The following OPHN1 variants were observed in gnomAD, a reference collection of about 807,000 sequenced individuals.
The protein encoded by OPHN1 is oligophrenin-1.
In OPHN1, 11 loss-of-function variants were observed where a neutral mutation model predicts 60.7. The observed-to-expected ratio is 0.18, with a 90% CI of 0.11 to 0.30. The LOEUF is 0.30. Ranked by LOEUF, OPHN1 falls within the 10% of genes least tolerant of loss-of-function variation. OPHN1 has a pLI of 1.00. For synonymous variants in OPHN1, 226 were observed against 222.6 expected (o/e 1.02, Z -0.14); for missense variants, 449 against 611.0 (o/e 0.73, Z 2.80).
chrX:68,365,818 C>T (rs1325307491), intron 2 of OPHN1, among the ~76,000 whole-genome samples: 2 of 97,148 alleles, frequency 2.1e-5, no homozygotes, highest in African/African-American at 7.6e-5. Context: ...CAATTATTCC[C>T]TTTTTTTTTT....
intron 2 of OPHN1, among the ~76,000 whole-genome samples, chrX:68,334,341 T>C (rs182232504): frequency 1.9e-3 from 210 of 111,968 alleles, no homozygotes; most frequent in African/African-American, 6.5e-3. Flanking sequence ...AAGTAACTAG[T>C]TTAGTGTAAG....
rs1414814743 is a variant in OPHN1, at chrX:68,397,653, G to A, written c.154+35214C>T. 2.8e-5 allele frequency among the ~76,000 whole-genome samples: 3 copies of A among 106,627 alleles called. No homozygotes were observed. In the Admixed American group the frequency reaches 3.1e-4, roughly 11 times the overall value. 92.6% of individuals were successfully genotyped at this position (106,627 alleles called of 115,157 possible). A position where few individuals can be genotyped will look rare whatever the true frequency, so the allele number is the denominator to read the frequency against. ...TTCTCCTGCCTCAGCCTCCGAAGTA[G>A]CTGGGATTACAGGCACCCACCACCA... is the stretch of plus-strand genomic sequence containing the variant. On this transcript the variant is annotated intron_variant, in intron 2 of 24. Transcript: ENST00000355520.
chrX:68,214,310 T>C (rs1186754538), intron 6 of OPHN1, among the ~76,000 whole-genome samples: 1 of 111,834 alleles, frequency 8.9e-6, no homozygotes. Context: ...TACAGAGACA[T>C]GAATACAGAG....
At position 68,194,805 on chromosome X, in the gene OPHN1, C is replaced by T. The variant is rs147220277; in HGVS notation, c.1105-307G>A. ...CAAACATCATGAAACCCCATCTCTA[C>T]AAAAATCCAAAAATTAGCCAGGCAT... On this transcript the variant is annotated intron_variant, in intron 12 of 24. Coordinates refer to ENST00000355520, the MANE Select transcript of OPHN1 (RefSeq NM_002547.3). 0.021 allele frequency among the ~76,000 whole-genome samples: 2,231 copies of T among 108,529 alleles called. 69 individuals are homozygous for T. Among genetic ancestry groups the T allele is most frequent in the African/African-American group, 0.071 (2,116 of 29,741 alleles). 94.2% of individuals were successfully genotyped at this position (108,529 alleles called of 115,157 possible). A position where few individuals can be genotyped will look rare whatever the true frequency, so the allele number is the denominator to read the frequency against.
intron 3 of OPHN1, among the ~76,000 whole-genome samples, chrX:68,298,379 C>T (rs1326099934): frequency 8.9e-6 from 1 of 111,839 alleles, no homozygotes; most frequent in Non-Finnish European, 1.9e-5. Context: ...GTTTGTTAAC[C>T]TCTCCTCTTT....
Position 68,234,532 on chromosome X carries a change from C to T in OPHN1, c.441G>A (p.Arg147=). The change falls in exon 6 of 25, where the codon CGG becomes CGA. Residue 147 remains arginine (R), a synonymous_variant. Coordinates refer to ENST00000355520, the MANE Select transcript of OPHN1 (RefSeq NM_002547.3). The part of the protein sequence containing the change: ...DGERFYSLLD[R]HLHLSSKKKE... ...TCTTTTTTGAAGACAGGTGTAAGTGCCGATCCAGTAAAGAATAAAACCTCT... is the reference window on the plus strand; with the variant it reads ...TCTTTTTTGAAGACAGGTGTAAGTGTCGATCCAGTAAAGAATAAAACCTCT... The T allele has an allele frequency of 8.3e-7, 1 of 1,210,506 alleles. No homozygotes were observed. Among genetic ancestry groups the T allele is most frequent in the Non-Finnish European group, 1.1e-6 (1 of 894,482 alleles).
chrX:68,370,975 T>C (rs1428118791), intron 2 of OPHN1, among the ~76,000 whole-genome samples: 1 of 111,237 alleles, frequency 9.0e-6, no homozygotes, highest in Non-Finnish European at 1.9e-5. Context: ...TTAAAAGATA[T>C]ACAGAAAACA....
intron 5 of OPHN1, among the ~76,000 whole-genome samples, chrX:68,263,291 T>A (rs1268906559): frequency 1.8e-5 from 2 of 111,901 alleles, no homozygotes; most frequent in Non-Finnish European, 3.8e-5. Flanking sequence ...AGACACATAC[T>A]GGGAGACCTA....
chrX:68,287,662 T>C (rs1195974233), intron 3 of OPHN1, among the ~76,000 whole-genome samples: 1 of 111,790 alleles, frequency 8.9e-6, no homozygotes, highest in Non-Finnish European at 1.9e-5. Flanking sequence ...ATTGCATGAT[T>C]ATACAGACGT....
intron 10 of OPHN1, 46 bp downstream of exon 10, chrX:68,206,527 C>G (rs1479447338): frequency 1.4e-5 from 13 of 912,959 alleles, no homozygotes; most frequent in Non-Finnish European, 2.1e-5. Context: ...TTCTGAGAAA[C>G]AGTCATAGAT....
intron 2 of OPHN1, among the ~76,000 whole-genome samples, chrX:68,387,173 C>T (rs2078628517): frequency 1.0e-5 from 1 of 95,403 alleles, no homozygotes; most frequent in Non-Finnish European, 2.1e-5. Context: ...CTCTTCCCTT[C>T]TCTTCTCTTT....
chrX:68,153,532 G>C (rs1410445119), intron 15 of OPHN1, among the ~76,000 whole-genome samples: 1 of 112,002 alleles, frequency 8.9e-6, no homozygotes, highest in East Asian at 2.8e-4. Flanking sequence ...ATGAGGCAGA[G>C]AGTGTGACCA....
In OPHN1 at chrX:68,058,063, G is replaced by A. The variant is rs1440635275; in HGVS notation, c.2159-4253C>T. 2.7e-5 allele frequency among the ~76,000 whole-genome samples: 3 copies of A among 111,404 alleles called. No individual in the cohort carries two copies. In the Admixed American group the frequency reaches 2.9e-4, roughly 11 times the overall value. ...TACATAGGCTCGTTACATGTGCCATGCTGGCCTGCTGGACTGACTTAAATG... is the reference window on the plus strand; with the variant it reads ...TACATAGGCTCGTTACATGTGCCATACTGGCCTGCTGGACTGACTTAAATG... On this transcript the variant is annotated intron_variant, in intron 21 of 24. Coordinates refer to ENST00000355520, the MANE Select transcript of OPHN1 (RefSeq NM_002547.3).
chrX:68,416,546 G>A (rs959776992), intron 2 of OPHN1, among the ~76,000 whole-genome samples: 1 of 111,692 alleles, frequency 9.0e-6, no homozygotes, highest in African/African-American at 3.3e-5. Context: ...AGTTTCTTGA[G>A]ATCAGAACTG....
intron 4 of OPHN1, among the ~76,000 whole-genome samples, chrX:68,280,748 G>A (rs1228894501): frequency 9.0e-6 from 1 of 111,435 alleles, no homozygotes; most frequent in African/African-American, 3.3e-5. Context: ...ACAAGGACCA[G>A]TATTTCCAAT....
chrX:68,143,280 G>A (rs993638952), intron 15 of OPHN1, among the ~76,000 whole-genome samples: 1 of 111,520 alleles, frequency 9.0e-6, no homozygotes, highest in Non-Finnish European at 1.9e-5. Context: ...CTCCATACAG[G>A]GTTAGGAGGT....
rs548194427 is a variant in OPHN1, at chrX:68,403,627, T to C, written c.154+29240A>G. ...AACTAAATCAAAGAGCAATTGTGCC[T>C]TTCGACTTTAAAAAATAAACGTCCC... On this transcript the variant is annotated intron_variant, in intron 2 of 24. Coordinates refer to ENST00000355520, the MANE Select transcript of OPHN1 (RefSeq NM_002547.3). Among the ~76,000 whole-genome samples, 163 of 110,586 alleles carry C rather than the reference T, an allele frequency of 1.5e-3. 1 individual carries two copies. The highest frequency in any genetic ancestry group is 4.9e-3 in the African/African-American group (150 of 30,440).
chrX:68,427,610 G>A (rs2048309794), intron 2 of OPHN1, among the ~76,000 whole-genome samples: 1 of 108,076 alleles, frequency 9.3e-6, no homozygotes, highest in Admixed American at 1.0e-4. Flanking sequence ...CCATGTCCAG[G>A]GTTTTGTCCC....
intron 2 of OPHN1, among the ~76,000 whole-genome samples, chrX:68,384,900 C>T (rs945649539): frequency 3.6e-5 from 4 of 110,259 alleles, no homozygotes; most frequent in Non-Finnish European, 5.7e-5. Context: ...GGCTTGGGGT[C>T]TCCGGGGGAA....
Sources: allele counts gnomAD v4.1 joint callset (sites outside exome capture counted in the v4.1 genomes callset), GRCh38; gene constraint gnomAD v4.1.1; transcripts MANE v1.5; gene names NCBI Gene and HGNC (gene_info 2026-07-23, HGNC 2026-07-21).